The following NCOA2 variants were observed in gnomAD, a reference collection of about 807,000 sequenced individuals.
The protein encoded by NCOA2 is class E basic helix-loop-helix protein 75.
A neutral mutation model predicts 145.1 loss-of-function variants in NCOA2; 21 were observed. The ratio of observed to expected loss-of-function variants is 0.14; its 90% CI spans 0.10 to 0.21. The LOEUF (loss-of-function observed/expected upper bound fraction) is 0.21. Ranked by LOEUF, NCOA2 falls within the 10% of genes least tolerant of loss-of-function variation. The pLI is 1.00. For synonymous variants in NCOA2, 619 were observed against 637.5 expected (o/e 0.97, Z 0.44); for missense variants, 1,472 against 1,837.6 (o/e 0.80, Z 3.64).
chr8:70,128,455 A>T lies in NCOA2; in HGVS notation c.3659T>A (p.Leu1220Gln), dbSNP rs746055272. Residue 1220 changes from leucine to glutamine, a missense_variant, in exon 18 of 23, where the codon CTG becomes CAG. Around this residue, in one of 4 missense-constraint regions of NCOA2, gnomAD observed 953 missense variants for 1,062.1 expected, o/e 0.90. Coordinates refer to ENST00000452400, the MANE Select transcript of NCOA2 (RefSeq NM_006540.4). Reference protein sequence around the residue: ...ISNVSNVNLTLRPGVPTQAPI... With the variant: ...ISNVSNVNLTQRPGVPTQAPI... ...TACCTGTGTTGGTACTCCAGGCCTC[A>T]GAGTCAAGTTCACATTGGAAACATT... 6.2e-7 allele frequency: 1 copy of T among 1,612,820 alleles called. No homozygotes were observed. The highest frequency in any genetic ancestry group is 8.5e-7 in the Non-Finnish European group (1 of 1,179,460).
chr8:70,226,989 C>T (rs1820710009), intron 2 of NCOA2, among the ~76,000 whole-genome samples: 1 of 152,184 alleles, frequency 6.6e-6, no homozygotes, highest in Non-Finnish European at 1.5e-5. Context: ...ATTAAAGGTT[C>T]CCTTTTACTT....
chr8:70,168,754 G>A (rs756339624), intron 6 of NCOA2, among the ~76,000 whole-genome samples: 85 of 152,330 alleles, frequency 5.6e-4, no homozygotes, highest in Non-Finnish European at 1.0e-3. Flanking sequence ...GTAAGGCAAA[G>A]AGCTCTTTAG....
chr8:70,176,346 T>C (rs888529610), intron 4 of NCOA2, among the ~76,000 whole-genome samples: 1 of 152,220 alleles, frequency 6.6e-6, no homozygotes, highest in Non-Finnish European at 1.5e-5. Context: ...AATAGAGATA[T>C]GACTTGTCTG....
intron 1 of NCOA2, 25 bp from the exon 2 acceptor site, chr8:70,296,825 C>T (rs1373413052): frequency 6.6e-6 from 1 of 152,122 alleles, no homozygotes; most frequent in Non-Finnish European, 1.5e-5. Context: ...AACAAATAAA[C>T]GTGAATAAAA....
At chr8:70,365,350 A>C (rs937079334) in intron 1 of NCOA2, among the ~76,000 whole-genome samples, 11 of 152,304 alleles carry the variant, frequency 7.2e-5, no homozygotes, top group Middle Eastern at 3.4e-3. Flanking sequence ...AACAAACAAA[A>C]AAAATCCAAA....
chr8:70,260,613 T>C (rs1824032492), intron 2 of NCOA2, among the ~76,000 whole-genome samples: 1 of 152,242 alleles, frequency 6.6e-6, no homozygotes, highest in Non-Finnish European at 1.5e-5. Context: ...ACAAATTAAC[T>C]GTTCAACTTC....
chr8:70,221,090 T>A (rs1820093863), intron 2 of NCOA2, among the ~76,000 whole-genome samples: 1 of 152,206 alleles, frequency 6.6e-6, no homozygotes, highest in South Asian at 2.1e-4. Flanking sequence ...GCTCTTGTTA[T>A]GAGAACAGAA....
intron 1 of NCOA2, among the ~76,000 whole-genome samples, chr8:70,314,721 GCTT>G (rs1805444534): frequency 6.6e-6 from 1 of 152,184 alleles, no homozygotes; most frequent in Non-Finnish European, 1.5e-5. Flanking sequence ...CAACTGCTAT[GCTT>G]TTTTAGAATA....
Position 70,128,849 on chromosome 8 carries a change from T to G in NCOA2, c.3456A>C (p.Gln1152His). ...GTCCCATGGTGTGAAAGTTTGGATC[T>G]TGCATGGGAGAATAGCTACCCTGGG... ...QMAQGSYSPM[Q>H]DPNFHTMGQR... Residue 1152 changes from glutamine (Q) to histidine (H), a missense_variant, in exon 17 of 23, where the codon CAA (glutamine) becomes CAC (histidine). By Grantham distance (24) the Gln-to-His change is conservative. Coordinates refer to ENST00000452400, the MANE Select transcript of NCOA2 (RefSeq NM_006540.4). The G allele has an allele frequency of 6.2e-7, 1 of 1,614,034 alleles. No individual in the cohort carries two copies. The highest frequency in any genetic ancestry group is 8.5e-7 in the Non-Finnish European group (1 of 1,179,900).
At chr8:70,268,036 C>T (rs570095859) in intron 2 of NCOA2, among the ~76,000 whole-genome samples, 11 of 152,312 alleles carry the variant, frequency 7.2e-5, no homozygotes, top group Admixed American at 2.0e-4. Flanking sequence ...GAAGAATTAT[C>T]AACCTCTGTT....
the NCOA2 span, among the ~76,000 whole-genome samples, chr8:70,444,482 T>C: frequency 2.6e-5 from 4 of 152,152 alleles, no homozygotes; most frequent in Non-Finnish European, 5.9e-5. Flanking sequence ...ACTGAGTATA[T>C]ACACACACCC....
intron 2 of NCOA2, among the ~76,000 whole-genome samples, chr8:70,288,116 A>G (rs531672236): frequency 1.1e-4 from 17 of 152,304 alleles, no homozygotes; most frequent in South Asian, 8.3e-4. Flanking sequence ...TAGCAGCTAC[A>G]TCATAGGTTT....
chr8:70,192,677 G>A (rs1816819144), intron 4 of NCOA2, among the ~76,000 whole-genome samples: 1 of 152,254 alleles, frequency 6.6e-6, no homozygotes, highest in South Asian at 2.1e-4. Flanking sequence ...ATATGGATGT[G>A]TTGATCAATT....
In NCOA2 at chr8:70,350,124, G is replaced by A. The variant is rs556210455; in HGVS notation, c.-76-53324C>T. Reference sequence around the variant, plus strand: ...AGTATTTATCTTGGGTGTGTATAAGGTATGATTTTGAATAATGGCAAGATA... The same window carrying A: ...AGTATTTATCTTGGGTGTGTATAAGATATGATTTTGAATAATGGCAAGATA... On this transcript the variant is annotated intron_variant, in intron 1 of 22. Transcript: ENST00000452400. Among the ~76,000 whole-genome samples the A allele has an allele frequency of 5.9e-5, 9 of 152,148 alleles. No homozygotes were observed. In the South Asian group the frequency reaches 1.9e-3, roughly 32 times the overall value.
chr8:70,246,390 GC>G (rs1366255720), intron 2 of NCOA2, among the ~76,000 whole-genome samples: 3 of 152,092 alleles, frequency 2.0e-5, no homozygotes, highest in African/African-American at 7.2e-5. Context: ...ACGCTCAAGT[GC>G]AATGTGCAAA....
chr8:70,332,674 C>T (rs1399412956), intron 1 of NCOA2, among the ~76,000 whole-genome samples: 4 of 152,082 alleles, frequency 2.6e-5, no homozygotes, highest in Non-Finnish European at 5.9e-5. Context: ...AATTTTGATG[C>T]TTATATCTAA....
Position 70,218,942 on chromosome 8 carries a change from T to C in NCOA2, c.-19-2178A>G, listed in dbSNP as rs118119530. Among the ~76,000 whole-genome samples the C allele has an allele frequency of 3.8e-3, 585 of 152,304 alleles. 1 individual carries two copies. Among genetic ancestry groups the C allele is most frequent in the Middle Eastern group, 0.014 (4 of 294 alleles). On this transcript the variant is annotated intron_variant, in intron 2 of 22. Coordinates refer to ENST00000452400, the MANE Select transcript of NCOA2 (RefSeq NM_006540.4). Reference sequence around the variant, plus strand: ...CCACATATACTAAAATGTATAGTATTATCAGAAAGATCAGAAAGCTTTCAA... The same window carrying C: ...CCACATATACTAAAATGTATAGTATCATCAGAAAGATCAGAAAGCTTTCAA...
chr8:70,225,992 G>C (rs1170760340), intron 2 of NCOA2, among the ~76,000 whole-genome samples: 1 of 151,938 alleles, frequency 6.6e-6, no homozygotes, highest in Non-Finnish European at 1.5e-5. Context: ...TATAGTAAGG[G>C]CTTATTTAAT....
chr8:70,313,536 A>G (rs1805301860), intron 1 of NCOA2, among the ~76,000 whole-genome samples: 1 of 152,186 alleles, frequency 6.6e-6, no homozygotes, highest in South Asian at 2.1e-4. Context: ...TTATTTTGAG[A>G]AAATAAGAAA....
Sources: allele counts gnomAD v4.1 joint callset (sites outside exome capture counted in the v4.1 genomes callset), GRCh38; gene constraint gnomAD v4.1.1; regional missense constraint gnomAD v4.1.1; transcripts MANE v1.5; gene names NCBI Gene and HGNC (gene_info 2026-07-23, HGNC 2026-07-21).